Variants in WDR47 observed in about 807,000 individuals in gnomAD.
WDR47 encodes WD repeat-containing protein 47.
A neutral mutation model predicts 97.2 loss-of-function variants in WDR47; 32 were observed. The ratio of observed to expected loss-of-function variants is 0.33; its 90% CI spans 0.25 to 0.44. WDR47 has a LOEUF of 0.44. Ranked by LOEUF, WDR47 falls within the 20% of genes least tolerant of loss-of-function variation. The pLI, the probability that WDR47 is intolerant of heterozygous loss-of-function variation, is 1.00. For synonymous variants in WDR47, 375 were observed against 373.5 expected, an observed-to-expected ratio of 1.00 and a Z score of -0.05; for missense variants, 782 against 1,102.3, an observed-to-expected ratio of 0.71 and a Z score of 4.11.
intron 1 of WDR47, among the ~76,000 whole-genome samples, chr1:109,027,685 G>A (rs1367149710): frequency 2.6e-5 from 4 of 151,716 alleles, no homozygotes; most frequent in South Asian, 4.2e-4. Context: ...CACCACGCCC[G>A]GCTAATTTTT....
intron 9 of WDR47, among the ~76,000 whole-genome samples, chr1:108,987,809 TTC>T (rs1189494359): frequency 6.6e-6 from 1 of 152,152 alleles, no homozygotes; most frequent in Non-Finnish European, 1.5e-5. Flanking sequence ...CATGAAGTTT[TTC>T]TGACAGCAGT....
In WDR47 at chr1:108,974,741, T is replaced by C; in HGVS notation, c.2412A>G (p.Ala804=). Residue 804 remains alanine (A), a synonymous_variant, in exon 14 of 15, where the codon GCA becomes GCG. Coordinates refer to ENST00000369962, the MANE Select transcript of WDR47 (RefSeq NM_001142551.2). ...GACCACTGGGATCTACAGCTACAGA[T>C]GCCACTGCACTGCCTGTAGTGGTAG... is the stretch of plus-strand genomic sequence containing the variant. The part of the protein sequence containing the change: ...TTFHGTGSAV[A]SVAVDPSGRL... 1 of 1,610,916 alleles carries C rather than the reference T, an allele frequency of 6.2e-7. No individual in the cohort carries two copies. The highest frequency in any genetic ancestry group is 8.5e-7 in the Non-Finnish European group (1 of 1,178,374).
chr1:109,005,732 C>T (rs914937878), intron 5 of WDR47, among the ~76,000 whole-genome samples: 2 of 150,944 alleles, frequency 1.3e-5, no homozygotes, highest in Non-Finnish European at 3.0e-5. Context: ...ATTTGTTGGG[C>T]GTGGTACGCG....
chr1:109,025,384 T>A (rs1298096194), intron 1 of WDR47, among the ~76,000 whole-genome samples: 1 of 141,036 alleles, frequency 7.1e-6, no homozygotes, highest in Non-Finnish European at 1.5e-5. Context: ...TGAGCGGTGA[T>A]CATACCACTG....
intron 7 of WDR47, 114 bp downstream of exon 7, chr1:109,002,110 C>G (rs2101903102): frequency 8.1e-7 from 1 of 1,231,904 alleles, no homozygotes; most frequent in Non-Finnish European, 1.1e-6. Context: ...CACATTACTT[C>G]AAATGCGTAA....
chr1:108,972,471 A>G (rs1251394001), intron 14 of WDR47, among the ~76,000 whole-genome samples: 1 of 152,142 alleles, frequency 6.6e-6, no homozygotes, highest in Non-Finnish European at 1.5e-5. Context: ...GCTTCACATT[A>G]TACTTTTTAA....
intron 1 of WDR47, among the ~76,000 whole-genome samples, chr1:109,032,441 G>A (rs1335756706): frequency 8.1e-6 from 1 of 123,480 alleles, no homozygotes; most frequent in Non-Finnish European, 1.8e-5. Flanking sequence ...CCGGGAGGTG[G>A]AGCTTGCAGT....
At chr1:108,972,623 G>T (rs1022533963) in intron 14 of WDR47, among the ~76,000 whole-genome samples, 2 of 152,042 alleles carry the variant, frequency 1.3e-5, no homozygotes, top group Non-Finnish European at 2.9e-5. Flanking sequence ...ACCTATAACT[G>T]CTATTAAAAA....
intron 5 of WDR47, among the ~76,000 whole-genome samples, chr1:109,007,336 CAATA>C (rs1360495331): frequency 2.7e-5 from 4 of 150,680 alleles, no homozygotes; most frequent in African/African-American, 4.9e-5. Flanking sequence ...TTTAAAAAAA[CAATA>C]AATAGAGACA....
rs557803829 is a variant in WDR47 at position 108,992,956 on chromosome 1, A to C, written c.1692-1627T>G. On this transcript the variant is annotated intron_variant, in intron 8 of 14. Coordinates refer to ENST00000369962, the MANE Select transcript of WDR47 (RefSeq NM_001142551.2). ...TTCCTAGAACTTAAGTTTCCAACTT[A>C]AAAGGGCCCATGAAATACCCAGAAG... 160 of 720,144 alleles carry C rather than the reference A, an allele frequency of 2.2e-4. No individual in the cohort carries two copies. The African/African-American group carries it at 2.5e-3, about 11-fold the overall frequency. The allele number at this position is 720,144 out of a possible 1,614,324, so 44.6% of individuals were successfully genotyped here. A position where few individuals can be genotyped will look rare whatever the true frequency, so the allele number is the denominator to read the frequency against.
intron 1 of WDR47, among the ~76,000 whole-genome samples, chr1:109,038,980 AAT>A (rs1269354524): frequency 6.7e-6 from 1 of 149,998 alleles, no homozygotes; most frequent in Non-Finnish European, 1.5e-5. Flanking sequence ...CCCCATCTCA[AAT>A]AATAACAATA....
At chr1:109,016,993 C>T (rs1015625864) in intron 3 of WDR47, among the ~76,000 whole-genome samples, 1 of 152,022 alleles carries the variant, frequency 6.6e-6, no homozygotes, top group Non-Finnish European at 1.5e-5. Context: ...AAAAATTATA[C>T]GAATTTGAAA....
chr1:109,036,963 T>C (rs1662997816), intron 1 of WDR47, among the ~76,000 whole-genome samples: 1 of 152,198 alleles, frequency 6.6e-6, no homozygotes, highest in Non-Finnish European at 1.5e-5. Flanking sequence ...AAAATTTCTT[T>C]ATATCATCAT....
chr1:109,026,998 CAA>C (rs1662258407), intron 1 of WDR47, among the ~76,000 whole-genome samples: 1 of 151,752 alleles, frequency 6.6e-6, no homozygotes, highest in South Asian at 2.1e-4. Context: ...TAAAAAAAGA[CAA>C]GTTTTAATTC....
chr1:108,991,152 A>C, intron 9 of WDR47, 102 bp downstream of exon 9: 1 of 1,107,258 alleles, frequency 9.0e-7, no homozygotes, highest in Non-Finnish European at 1.3e-6. Flanking sequence ...ACTGTACACC[A>C]CCACGTCTGA....
intron 1 of WDR47, among the ~76,000 whole-genome samples, chr1:109,033,868 G>A (rs548407094): frequency 2.2e-4 from 34 of 152,302 alleles, no homozygotes; most frequent in East Asian, 1.3e-3. Context: ...GCAGTGAGCC[G>A]AGATCCGTGC....
intron 9 of WDR47, among the ~76,000 whole-genome samples, chr1:108,989,572 G>A (rs900528965): frequency 6.6e-6 from 1 of 152,146 alleles, no homozygotes. Flanking sequence ...GCATGGGGTA[G>A]ATAAGAGAAA....
In WDR47 at chr1:109,007,969, G is replaced by A. The variant is rs142464592; in HGVS notation, c.1130+2947C>T. 6.2e-3 allele frequency among the ~76,000 whole-genome samples: 944 copies of A among 152,038 alleles called. 2 individuals are homozygous for A. The highest frequency in any genetic ancestry group is 0.021 in the African/African-American group (872 of 41,500). Reference sequence around the variant, plus strand: ...ATACAAAAATTAGCCAGGCACAGTGGCGGGCGCCTGTAATCCCAGCTACTT... The same window carrying A: ...ATACAAAAATTAGCCAGGCACAGTGACGGGCGCCTGTAATCCCAGCTACTT... On this transcript the variant is annotated intron_variant, in intron 5 of 14. Transcript: ENST00000369962.
Position 109,011,170 on chromosome 1 carries a change from A to G in WDR47, c.876T>C (p.Ser292=), listed in dbSNP as rs775670032. The part of the protein sequence containing the change: ...DLLTPLISKL[S]PYPSSPMRRP... ...TTCTCATTGGGGATGATGGATAGGG[A>G]GAGAGTTTGCTGATAAGAGGAGTCA... The change falls in exon 5 of 15, where the codon TCT becomes TCC. Residue 292 remains serine (S), a synonymous_variant. Transcript: ENST00000369962. 6.2e-7 allele frequency: 1 copy of G among 1,614,134 alleles called. No individual in the cohort carries two copies. Among genetic ancestry groups the G allele is most frequent in the Non-Finnish European group, 8.5e-7 (1 of 1,180,038 alleles).
Sources: allele counts gnomAD v4.1 joint callset (sites outside exome capture counted in the v4.1 genomes callset), GRCh38; gene constraint gnomAD v4.1.1; transcripts MANE v1.5; gene names NCBI Gene and HGNC (gene_info 2026-07-23, HGNC 2026-07-21).